The following STARD13 variants were observed in gnomAD, a reference collection of about 807,000 sequenced individuals.
STARD13 encodes StAR related lipid transfer domain containing 13.
In STARD13, 62 loss-of-function variants were observed where a neutral mutation model predicts 106.4. The ratio of observed to expected loss-of-function variants is 0.58; its 90% CI spans 0.48 to 0.72. The LOEUF is 0.72. Ranked by LOEUF, STARD13 falls within the 30% of genes least tolerant of loss-of-function variation. The pLI is 0.00. For synonymous variants in STARD13, 565 were observed against 553.0 expected, an observed-to-expected ratio of 1.02 and a Z score of -0.31; for missense variants, 1,387 against 1,424.0, an observed-to-expected ratio of 0.97 and a Z score of 0.42.
the STARD13 span, among the ~76,000 whole-genome samples, chr13:33,361,088 A>G: frequency 2.0e-5 from 3 of 150,556 alleles, no homozygotes; most frequent in Non-Finnish European, 4.4e-5. Context: ...TACAGGCGTG[A>G]ACCACCGCGC....
the STARD13 span, among the ~76,000 whole-genome samples, chr13:33,642,679 A>G: frequency 6.6e-6 from 1 of 152,126 alleles, no homozygotes. Flanking sequence ...CCTGAGTCAC[A>G]CAGTCAGTAA....
chr13:33,261,999 C>A (rs1168784654), intron 1 of STARD13, among the ~76,000 whole-genome samples: 2 of 152,162 alleles, frequency 1.3e-5, no homozygotes, highest in Non-Finnish European at 2.9e-5. Flanking sequence ...GAGGAAGATG[C>A]TTCATCTAAA....
chr13:33,540,222 G>A, the STARD13 span, among the ~76,000 whole-genome samples: 2 of 152,134 alleles, frequency 1.3e-5, no homozygotes, highest in African/African-American at 4.8e-5. Flanking sequence ...TAATTTCACA[G>A]ATAGAAGACT....
chr13:33,577,109 T>A, the STARD13 span, among the ~76,000 whole-genome samples: 1 of 152,322 alleles, frequency 6.6e-6, no homozygotes, highest in South Asian at 2.1e-4. Context: ...TATGCCTAAT[T>A]ATGTCCATGT....
At chr13:33,527,140 C>A in the STARD13 span, among the ~76,000 whole-genome samples, 8 of 152,158 alleles carry the variant, frequency 5.3e-5, no homozygotes, top group Admixed American at 3.9e-4. Context: ...AATTTAATAT[C>A]TTTGTATTGC....
At chr13:33,562,643 G>T in the STARD13 span, among the ~76,000 whole-genome samples, 1 of 146,594 alleles carries the variant, frequency 6.8e-6, no homozygotes, top group African/African-American at 2.5e-5. Context: ...TACCAAGTAG[G>T]TCCTCAATCT....
the STARD13 span, among the ~76,000 whole-genome samples, chr13:33,372,458 A>C: frequency 6.6e-6 from 1 of 151,878 alleles, no homozygotes; most frequent in Non-Finnish European, 1.5e-5. Context: ...ATAATTCAGA[A>C]TGAAAATGAC....
intron 1 of STARD13, among the ~76,000 whole-genome samples, chr13:33,295,807 A>G (rs899707208): frequency 2.0e-4 from 30 of 152,286 alleles, no homozygotes; most frequent in African/African-American, 7.2e-4. Flanking sequence ...CTGGGCGAGA[A>G]GGCTAGGAAG....
chr13:33,397,101 A>G, the STARD13 span, among the ~76,000 whole-genome samples: 1 of 152,240 alleles, frequency 6.6e-6, no homozygotes, highest in Non-Finnish European at 1.5e-5. Flanking sequence ...TGGGATTCAT[A>G]GAAAGAAACT....
At chr13:33,200,596 T>C (rs1886948196) in intron 1 of STARD13, among the ~76,000 whole-genome samples, 1 of 152,184 alleles carries the variant, frequency 6.6e-6, no homozygotes, top group Non-Finnish European at 1.5e-5. Flanking sequence ...ATATATGTAT[T>C]ATTGTGTTTC....
chr13:33,223,662 T>A (rs1417318128), intron 1 of STARD13, among the ~76,000 whole-genome samples: 1 of 150,004 alleles, frequency 6.7e-6, no homozygotes, highest in Non-Finnish European at 1.5e-5. Context: ...TCCATCTCAA[T>A]ATATATATAT....
intron 3 of STARD13, among the ~76,000 whole-genome samples, chr13:33,156,089 T>C (rs7981309): frequency 0.29 from 43,762 of 152,178 alleles, 9,278 homozygotes; most frequent in African/African-American, 0.58. Context: ...AAAATTTCCA[T>C]GGGTAAGGGC....
the STARD13 span, among the ~76,000 whole-genome samples, chr13:33,458,666 G>A: frequency 6.6e-6 from 1 of 152,004 alleles, no homozygotes; most frequent in Admixed American, 6.5e-5. Context: ...ATTCCTGTTG[G>A]GAAACAAATT....
chr13:33,148,744 T>G (rs1880875302), intron 3 of STARD13, among the ~76,000 whole-genome samples: 1 of 152,200 alleles, frequency 6.6e-6, no homozygotes, highest in Non-Finnish European at 1.5e-5. Flanking sequence ...AATGGAAAAC[T>G]TACATCCACA....
At chr13:33,481,120 T>C in the STARD13 span, among the ~76,000 whole-genome samples, 1 of 152,106 alleles carries the variant, frequency 6.6e-6, no homozygotes, top group East Asian at 1.9e-4. Context: ...AAGGTCATTA[T>C]TTTGAAAAAT....
intron 4 of STARD13, among the ~76,000 whole-genome samples, chr13:33,133,218 A>G (rs1878568556): frequency 6.6e-6 from 1 of 152,032 alleles, no homozygotes; most frequent in Admixed American, 6.6e-5. Flanking sequence ...TAGGTTAAGA[A>G]CACATGCCAA....
intron 6 of STARD13, 143 bp from the exon 7 acceptor site, chr13:33,126,383 T>C: frequency 1.2e-6 from 1 of 808,996 alleles, no homozygotes; most frequent in Non-Finnish European, 2.0e-6. Context: ...TCTGCATTAA[T>C]CACAGGACAC....
chr13:33,375,238 G>A, the STARD13 span, among the ~76,000 whole-genome samples: 7,661 of 152,200 alleles, frequency 0.05, 643 homozygotes, highest in African/African-American at 0.17. Context: ...CAGATGTGCC[G>A]AAGCCTGAAG....
chr13:33,625,258 G>A, the STARD13 span, among the ~76,000 whole-genome samples: 1 of 152,192 alleles, frequency 6.6e-6, no homozygotes, highest in Admixed American at 6.5e-5. Flanking sequence ...AACGAGAAGG[G>A]TGACCTTGGC....
Sources: allele counts gnomAD v4.1 joint callset (sites outside exome capture counted in the v4.1 genomes callset), GRCh38; gene constraint gnomAD v4.1.1; transcripts MANE v1.5; gene names NCBI Gene and HGNC (gene_info 2026-07-23, HGNC 2026-07-21).